The following ARHGAP44 variants were observed in gnomAD, a reference collection of about 807,000 sequenced individuals.
ARHGAP44 encodes the protein rho GTPase-activating protein 44.
ARHGAP44 carries 43 observed loss-of-function variants against 106.8 expected under a neutral mutation model. The ratio of observed to expected loss-of-function variants is 0.40; its 90% CI spans 0.32 to 0.52. ARHGAP44 has a LOEUF of 0.52. Among genes scored for constraint, ARHGAP44 ranks in the 20% least tolerant of loss-of-function variants. The pLI, the probability that ARHGAP44 is intolerant of heterozygous loss-of-function variation, is 0.48. For synonymous variants in ARHGAP44, 439 were observed against 410.3 expected (o/e 1.07, Z -0.85); for missense variants, 866 against 1,050.5 (o/e 0.82, Z 2.43).
intron 6 of ARHGAP44, 88 bp from the exon 7 acceptor site, chr17:12,928,841 A>G: frequency 8.5e-7 from 1 of 1,176,278 alleles, no homozygotes; most frequent in Non-Finnish European, 1.2e-6. Context: ...CCTGGGTGAT[A>G]TTTGTAACCA....
At chr17:12,954,599 C>G (rs9891226) in intron 13 of ARHGAP44, among the ~76,000 whole-genome samples, 39,163 of 152,034 alleles carry the variant, frequency 0.26, 5,786 homozygotes, top group African/African-American at 0.4. Context: ...TTCTACCGGG[C>G]TCACGAAGGT....
intron 3 of ARHGAP44, among the ~76,000 whole-genome samples, chr17:12,908,347 C>T (rs2037625601): frequency 6.6e-6 from 1 of 151,978 alleles, no homozygotes; most frequent in South Asian, 2.1e-4. Flanking sequence ...CAGGCATGCA[C>T]CACCACACCC....
At chr17:12,927,777 A>G (rs1237924127) in intron 6 of ARHGAP44, among the ~76,000 whole-genome samples, 1 of 152,180 alleles carries the variant, frequency 6.6e-6, no homozygotes, top group South Asian at 2.1e-4. Flanking sequence ...ACTTCCCAAG[A>G]CTAAAGCCAG....
chr17:12,984,458 T>C, intron 19 of ARHGAP44, 73 bp from the exon 20 acceptor site: 1 of 1,479,236 alleles, frequency 6.8e-7, no homozygotes, highest in Non-Finnish European at 8.9e-7. Context: ...CTGAAGGGTG[T>C]GTGAACAGGC....
chr17:12,851,743 C>T (rs1305953898), intron 1 of ARHGAP44, among the ~76,000 whole-genome samples: 1 of 152,050 alleles, frequency 6.6e-6, no homozygotes, highest in African/African-American at 2.4e-5. Flanking sequence ...CCTGTCTTTA[C>T]TTTCTAAATA....
At position 12,958,710 on chromosome 17, in the gene ARHGAP44, C is replaced by T; in HGVS notation, c.1343-7C>T. ...GTTCACATGTACCAATTCTTTCTTC[C>T]CCGCAGAGATAGAGTTCAACATTAC... On this transcript the variant is annotated splice_polypyrimidine_tract_variant and splice_region_variant and intron_variant, in intron 15 of 20. Transcript: ENST00000379672. This position sits in a 1 kb window ranked among gnomAD's most constrained non-coding sequence, Gnocchi z 4.1. 1.2e-6 allele frequency: 2 copies of T among 1,613,432 alleles called. No individual in the cohort carries two copies. Among genetic ancestry groups the T allele is most frequent in the Non-Finnish European group, 1.7e-6 (2 of 1,179,612 alleles).
At chr17:12,823,209 G>A (rs867802450) in intron 1 of ARHGAP44, among the ~76,000 whole-genome samples, 2 of 151,948 alleles carry the variant, frequency 1.3e-5, no homozygotes, top group African/African-American at 4.8e-5. Context: ...AATACTTCCC[G>A]TGATGTTTCT....
chr17:12,800,423 GC>G (rs753061079), intron 1 of ARHGAP44, among the ~76,000 whole-genome samples: 34 of 152,298 alleles, frequency 2.2e-4, no homozygotes, highest in Non-Finnish European at 4.1e-4. Context: ...GCTGCTTATA[GC>G]ACTGGCCAGT....
At chr17:12,839,686 T>TTTG (rs535224832) in intron 1 of ARHGAP44, among the ~76,000 whole-genome samples, 7 of 152,280 alleles carry the variant, frequency 4.6e-5, no homozygotes, top group South Asian at 4.1e-4. Flanking sequence ...TTCGAGTGCT[T>TTTG]TTGTTGTTGT....
chr17:12,967,109 T>A (rs1165695960), intron 16 of ARHGAP44, among the ~76,000 whole-genome samples: 1 of 117,284 alleles, frequency 8.5e-6, no homozygotes, highest in Non-Finnish European at 1.7e-5. Flanking sequence ...TCATTTTTTT[T>A]TTTTTGTTTT....
intron 1 of ARHGAP44, among the ~76,000 whole-genome samples, chr17:12,853,337 A>G (rs78890132): frequency 0.015 from 2,235 of 152,332 alleles, 53 homozygotes; most frequent in East Asian, 0.071. Flanking sequence ...CATCATCTAC[A>G]TTTATAGCAT....
chr17:12,946,117 T>C (rs2038845232), intron 10 of ARHGAP44, among the ~76,000 whole-genome samples: 3 of 152,172 alleles, frequency 2.0e-5, no homozygotes, highest in Non-Finnish European at 4.4e-5. Context: ...TGGAAGAAGA[T>C]GAACTGGACC....
At chr17:12,916,631 C>T (rs921163679) in intron 5 of ARHGAP44, among the ~76,000 whole-genome samples, 3 of 152,222 alleles carry the variant, frequency 2.0e-5, no homozygotes, top group Non-Finnish European at 2.9e-5. Context: ...GCGATCCACC[C>T]GCCTTGGCCT....
chr17:12,816,520 G>T (rs1381011136), intron 1 of ARHGAP44, among the ~76,000 whole-genome samples: 1 of 152,166 alleles, frequency 6.6e-6, no homozygotes, highest in East Asian at 1.9e-4. Flanking sequence ...AGATATGATT[G>T]TTTATGTAAA....
intron 4 of ARHGAP44, among the ~76,000 whole-genome samples, chr17:12,913,389 G>A (rs1170766319): frequency 6.6e-6 from 1 of 152,032 alleles, no homozygotes; most frequent in Non-Finnish European, 1.5e-5. Context: ...ACAAATAAGT[G>A]TGCAGGGAAA....
intron 9 of ARHGAP44, among the ~76,000 whole-genome samples, 161 bp from the exon 10 acceptor site, chr17:12,943,908 T>G (rs932781140): frequency 2.1e-5 from 3 of 144,522 alleles, no homozygotes; most frequent in African/African-American, 7.7e-5. Flanking sequence ...CACCCCCTCC[T>G]CCAGTCCTCC....
intron 1 of ARHGAP44, among the ~76,000 whole-genome samples, chr17:12,883,175 G>GT (rs35187904): frequency 0.43 from 63,235 of 148,266 alleles, 15,281 homozygotes; most frequent in East Asian, 0.54. Context: ...TTTTGTCTAA[G>GT]TTTTTTTTTT....
At chr17:12,955,731 A>C in intron 13 of ARHGAP44, 136 bp from the exon 14 acceptor site, 1 of 595,918 alleles carries the variant, frequency 1.7e-6, no homozygotes, top group Non-Finnish European at 3.0e-6. Flanking sequence ...CACGTGACGC[A>C]TGTTCATTAC....
At chr17:12,860,454 T>C (rs2036037805) in intron 1 of ARHGAP44, among the ~76,000 whole-genome samples, 1 of 152,184 alleles carries the variant, frequency 6.6e-6, no homozygotes, top group Non-Finnish European at 1.5e-5. Context: ...TCAAAAGCTG[T>C]GACCTTCAGA....
Sources: gnomAD v4.1 joint callset for allele counts (sites outside exome capture counted in the v4.1 genomes callset) on GRCh38, gnomAD v4.1.1 for gene constraint, Gnocchi (gnomAD v3.1) non-coding constraint, MANE v1.5 for transcripts, NCBI Gene and HGNC (gene_info 2026-07-23, HGNC 2026-07-21) for gene names.